Variants in RNF213 observed in about 807,000 individuals in gnomAD.
RNF213 encodes the protein E3 ubiquitin-protein ligase RNF213.
RNF213 carries 341 observed loss-of-function variants against 514.4 expected under a neutral mutation model. The observed-to-expected ratio is 0.66, with a 90% CI of 0.61 to 0.73. The LOEUF (loss-of-function observed/expected upper bound fraction) is 0.73. RNF213 is among the 30% of genes least tolerant of loss of function. The pLI is 0.00. For missense variants in RNF213, 5,767 were observed against 6,615.6 expected (o/e 0.87, Z 4.45); for synonymous variants, 2,655 against 2,658.2 (o/e 1.00, Z 0.04).
rs1470955724 is a variant in RNF213 at position 80,353,407 on chromosome 17, A to T, written c.10424-105A>T. The T allele has an allele frequency of 1.5e-6, 2 of 1,294,960 alleles. No individual in the cohort carries two copies. Among genetic ancestry groups the T allele is most frequent in the Non-Finnish European group, 2.2e-6 (2 of 916,298 alleles). The allele number at this position is 1,294,960 out of a possible 1,614,324, so 80.2% of individuals were successfully genotyped here. A position where few individuals can be genotyped will look rare whatever the true frequency, so the allele number is the denominator to read the frequency against. On this transcript the variant is annotated intron_variant, in intron 33 of 67. Coordinates refer to ENST00000582970, the MANE Select transcript of RNF213 (RefSeq NM_001256071.3). The surrounding 1 kb of genome is among the most constrained non-coding windows in gnomAD (Gnocchi z 5.0). ...CCTAGCACCACAGCAGGGGCCGGGG[A>T]AGCCTGCACTCGGAGGCTGAGCACA...
intron 26 of RNF213, chr17:80,340,564 A>T: frequency 1.9e-6 from 1 of 516,050 alleles, no homozygotes; most frequent in African/African-American, 2.1e-5. Flanking sequence ...TGGGAGCCCC[A>T]TTCCCTTCCT....
chr17:80,367,638 C>G (rs897026010), intron 42 of RNF213, 110 bp from the exon 43 acceptor site: 20 of 798,292 alleles, frequency 2.5e-5, no homozygotes, highest in Non-Finnish European at 4.1e-5. Flanking sequence ...CCCCACACCC[C>G]ACACACACGG....
Position 80,336,333 on chromosome 17 carries a change from G to C in RNF213, c.4482G>C (p.Lys1494Asn). The C allele has an allele frequency of 6.5e-7, 1 of 1,537,278 alleles. No homozygotes were observed. Among genetic ancestry groups the C allele is most frequent in the South Asian group, 1.2e-5 (1 of 84,064 alleles). The change falls in exon 23 of 68, where the codon AAG (lysine) becomes AAC (asparagine). Residue 1494 changes from lysine (K) to asparagine (N), a missense_variant. This residue lies in a region of RNF213 where 1,377 missense variants were observed against 1,635.2 expected (regional missense o/e 0.84). Transcript: ENST00000582970. ...DFSAFMKHLK[K>N]LWKALDKDQY... ...GTGCATTCATGAAGCATCTGAAAAA[G>C]CTGTGGAAGGCTCTGGATAAGGACC... is the stretch of plus-strand genomic sequence containing the variant.
In RNF213 at chr17:80,342,536, TTC is replaced by T. The variant is rs147286130; in HGVS notation, c.5990-578_5990-577del. ...TTGTCCTAGCCCTGGGACTTAATTT[TTC>T]TCTCTCTCTCTCTCTCTATTTTTAT... is the stretch of plus-strand genomic sequence containing the variant. On this transcript the variant is annotated intron_variant, in intron 26 of 67. Coordinates refer to ENST00000582970, the MANE Select transcript of RNF213 (RefSeq NM_001256071.3). Among the ~76,000 whole-genome samples the T allele has an allele frequency of 9.9e-4, 145 of 146,976 alleles. 1 individual carries two copies. The highest frequency in any genetic ancestry group is 2.4e-3 in the African/African-American group (96 of 39,884).
Position 80,319,202 on chromosome 17 carries a change from T to A in RNF213, c.2914T>A (p.Ser972Thr). The A allele has an allele frequency of 6.2e-7, 1 of 1,614,188 alleles. No homozygotes were observed. Among genetic ancestry groups the A allele is most frequent in the Non-Finnish European group, 8.5e-7 (1 of 1,180,036 alleles). The change falls in exon 17 of 68, where the codon TCC becomes ACC. Residue 972 changes from serine (S) to threonine (T), a missense_variant. Ser to Thr is a moderately conservative substitution (Grantham distance 58, BLOSUM62 1). Around this residue, in one of 13 missense-constraint regions of RNF213, gnomAD observed 516 missense variants for 566.5 expected, o/e 0.91. Coordinates refer to ENST00000582970, the MANE Select transcript of RNF213 (RefSeq NM_001256071.3). ...EWRLTKEEPLSQITAYCNSCW... is the reference protein window; with the variant it reads ...EWRLTKEEPLTQITAYCNSCW... ...TTGATTTTTGCAGGAGGAACCCCTCTCCCAGATCACTGCCTACTGCAATAG... is the reference window on the plus strand; with the variant it reads ...TTGATTTTTGCAGGAGGAACCCCTCACCCAGATCACTGCCTACTGCAATAG...
At chr17:80,349,963 T>G (rs2078445841) in intron 30 of RNF213, 57 bp downstream of exon 30, 1 of 1,606,366 alleles carries the variant, frequency 6.2e-7, no homozygotes, top group African/African-American at 1.3e-5. Flanking sequence ...GCCGTGTGGC[T>G]TCTGCGTGGC....
chr17:80,287,034 A>T (rs1209402732), intron 3 of RNF213, among the ~76,000 whole-genome samples: 1 of 152,202 alleles, frequency 6.6e-6, no homozygotes, highest in Non-Finnish European at 1.5e-5. Context: ...ATAGAGGTGC[A>T]TAAAACGTGG....
rs951365308 is a variant in RNF213, at chr17:80,345,756, A to G, written c.7421A>G (p.Asn2474Ser). 9 of 1,614,126 alleles carry G rather than the reference A, an allele frequency of 5.6e-6. No homozygotes were observed. Among genetic ancestry groups the G allele is most frequent in the Middle Eastern group, 1.6e-4 (1 of 6,084 alleles). Reference sequence around the variant, plus strand: ...GAGGCTGAAAATGTGGCCTTCGCCAATAAGGACCAACATCAGTTGGACACC... The same window carrying G: ...GAGGCTGAAAATGTGGCCTTCGCCAGTAAGGACCAACATCAGTTGGACACC... ...VREAENVAFA[N>S]KDQHQLDTIL... The change falls in exon 29 of 68, where the codon AAT (asparagine) becomes AGT (serine). Residue 2474 changes from asparagine to serine, a missense_variant. This residue lies in a region of RNF213 where 1,377 missense variants were observed against 1,635.2 expected (regional missense o/e 0.84). Transcript: ENST00000582970. The surrounding 1 kb of genome is among the most constrained non-coding windows in gnomAD (Gnocchi z 6.0).
Position 80,347,774 on chromosome 17 carries a change from C to T in RNF213, c.9439C>T (p.Arg3147Cys), listed in dbSNP as rs781176178. ...CAAATGTCGGGTTCACCCCAACTTC[C>T]GCCTGATTGTCATTGAAGAGAAAGA... is the stretch of plus-strand genomic sequence containing the variant. ...RVKCRVHPNF[R>C]LIVIEEKDVV... Residue 3147 changes from arginine (R) to cysteine (C), a missense_variant, in exon 29 of 68, where the codon CGC (arginine) becomes TGC (cysteine). Transcript: ENST00000582970. This position sits in a 1 kb window ranked among gnomAD's most constrained non-coding sequence, Gnocchi z 7.2. 12 of 1,614,184 alleles carry T rather than the reference C, an allele frequency of 7.4e-6. No homozygotes were observed. The highest frequency in any genetic ancestry group is 6.7e-5 in the Admixed American group (4 of 60,032).
intron 20 of RNF213, 93 bp downstream of exon 20, chr17:80,328,570 T>C (rs118097770): frequency 0.012 from 15,621 of 1,316,230 alleles, 123 homozygotes; most frequent in Non-Finnish European, 0.014. Flanking sequence ...ATCTTTATTT[T>C]GGAGAGAAGG....
At position 80,354,472 on chromosome 17, in the gene RNF213, CAG is replaced by C. The variant is rs2078656066; in HGVS notation, c.10759_10760del (p.Ser3587CysfsTer84). ...TCTTGCGGGTATCCAAGATGCGCCT[CAG>C]TGTCTTTTTAAAGAAGCAAGAAGAG... ...SFLRVSKMRL[S>X]VFLKKQEESQ... On this transcript the variant is annotated frameshift_variant, in exon 36 of 68. Coordinates refer to ENST00000582970, the MANE Select transcript of RNF213 (RefSeq NM_001256071.3). LOFTEE classifies it high-confidence loss of function. The C allele has an allele frequency of 1.2e-6, 2 of 1,614,080 alleles. No individual in the cohort carries two copies. Among genetic ancestry groups the C allele is most frequent in the African/African-American group, 2.7e-5 (2 of 74,938 alleles).
At position 80,374,521 on chromosome 17, in the gene RNF213, G is replaced by A; in HGVS notation, c.13006G>A (p.Ala4336Thr). 6.2e-7 allele frequency: 1 copy of A among 1,614,184 alleles called. No individual in the cohort carries two copies. Among genetic ancestry groups the A allele is most frequent in the African/African-American group, 1.3e-5 (1 of 75,064 alleles). Reference sequence around the variant, plus strand: ...CCTGGTGTACGGCGATGAATACAAGGCTCTCCGTGATGCTGTGGCCAAAGC... The same window carrying A: ...CCTGGTGTACGGCGATGAATACAAGACTCTCCGTGATGCTGTGGCCAAAGC... ...RYLVYGDEYK[A>T]LRDAVAKAVL... The change falls in exon 50 of 68, where the codon GCT becomes ACT. Residue 4336 changes from alanine to threonine, a missense_variant. Ala to Thr is a moderately conservative substitution (Grantham distance 58). Coordinates refer to ENST00000582970, the MANE Select transcript of RNF213 (RefSeq NM_001256071.3).
At position 80,398,383 on chromosome 17, in the gene RNF213, C is replaced by A. The variant is rs1181607535; in HGVS notation, c.*4885C>A. On this transcript the variant is annotated 3_prime_UTR_variant, in exon 68 of 68. Coordinates refer to ENST00000582970, the MANE Select transcript of RNF213 (RefSeq NM_001256071.3). The stretch of plus-strand genomic sequence containing the variant: ...CACTAGGAACTATGCTGAAAAATTT[C>A]AGGAAAGGATTTAAGGGAGACTATG... 1 of 152,078 alleles carries A rather than the reference C, an allele frequency of 6.6e-6. No individual in the cohort carries two copies. Among genetic ancestry groups the A allele is most frequent in the Non-Finnish European group, 1.5e-5 (1 of 68,032 alleles). 9.4% of individuals were successfully genotyped at this position (152,078 alleles called of 1,614,324 possible). A position where few individuals can be genotyped will look rare whatever the true frequency, so the allele number is the denominator to read the frequency against.
intron 36 of RNF213, chr17:80,355,375 T>C (rs866251273): frequency 0.03 from 9,639 of 320,998 alleles, 381 homozygotes; most frequent in Non-Finnish European, 0.045. Context: ...AATGGGAGCT[T>C]ACAGGGGAAG....
intron 25 of RNF213, 86 bp from the exon 26 acceptor site, chr17:80,339,115 G>A: frequency 8.5e-7 from 1 of 1,177,320 alleles, no homozygotes; most frequent in South Asian, 1.7e-5. Context: ...GCCGTCTTTT[G>A]GCGGTAGGCC....
In RNF213 at chr17:80,353,041, C is replaced by T. The variant is rs2078587484; in HGVS notation, c.10405C>T (p.Pro3469Ser). The change falls in exon 33 of 68, where the codon CCC becomes TCC. Residue 3469 changes from proline to serine, a missense_variant. By Grantham distance (74) the Pro-to-Ser change is moderately conservative. This residue lies in a region of RNF213 where 919 missense variants were observed against 1,121.0 expected (regional missense o/e 0.82). Coordinates refer to ENST00000582970, the MANE Select transcript of RNF213 (RefSeq NM_001256071.3). The surrounding 1 kb of genome is among the most constrained non-coding windows in gnomAD (Gnocchi z 5.0). ...QHVTISQLFA[P>S]GDLPELGLEH... is the part of the protein sequence containing the mutation. ...TGTCACCATCAGCCAGCTGTTCGCGCCCGGAGACTTGCCTGAGCGTGAGTC... is the reference window on the plus strand; with the variant it reads ...TGTCACCATCAGCCAGCTGTTCGCGTCCGGAGACTTGCCTGAGCGTGAGTC... 6.2e-7 allele frequency: 1 copy of T among 1,612,968 alleles called. No homozygotes were observed. The highest frequency in any genetic ancestry group is 1.3e-5 in the African/African-American group (1 of 74,930).
At chr17:80,308,179 C>G (rs2045437654) in intron 13 of RNF213, among the ~76,000 whole-genome samples, 1 of 152,066 alleles carries the variant, frequency 6.6e-6, no homozygotes, top group Non-Finnish European at 1.5e-5. Flanking sequence ...GAGCTGTTCT[C>G]TGAGCGGCTC....
chr17:80,372,085 T>C (rs1362267036), intron 47 of RNF213, 100 bp downstream of exon 47: 11 of 771,194 alleles, frequency 1.4e-5, no homozygotes, highest in Non-Finnish European at 2.6e-5. Context: ...AATTAACGAA[T>C]GCTCTGTTCC....
chr17:80,357,013 G>A (rs939850824), intron 36 of RNF213, among the ~76,000 whole-genome samples: 2 of 150,186 alleles, frequency 1.3e-5, no homozygotes, highest in African/African-American at 4.9e-5. Flanking sequence ...TCTGCCTCCC[G>A]GGTTCAAGCG....
Sources: gnomAD v4.1 joint callset for allele counts (sites outside exome capture counted in the v4.1 genomes callset) on GRCh38, gnomAD v4.1.1 for gene constraint, gnomAD v4.1.1 regional missense constraint, Gnocchi (gnomAD v3.1) non-coding constraint, MANE v1.5 for transcripts, NCBI Gene and HGNC (gene_info 2026-07-23, HGNC 2026-07-21) for gene names.